DACH1: variants seen among roughly 807,000 people sequenced by gnomAD.
DACH1 encodes the protein dachshund homolog 1.
In DACH1, 12 loss-of-function variants were observed where a neutral mutation model predicts 54.2. That is an observed-to-expected ratio of 0.22 (90% CI 0.14 to 0.36). The LOEUF (loss-of-function observed/expected upper bound fraction) is 0.36. Ranked by LOEUF, DACH1 falls within the 10% of genes least tolerant of loss-of-function variation. The pLI, the probability that DACH1 is intolerant of heterozygous loss-of-function variation, is 1.00. For missense variants in DACH1, 805 were observed against 929.8 expected (o/e 0.87, Z 1.75); for synonymous variants, 386 against 366.2 (o/e 1.05, Z -0.62).
At chr13:71,796,511 T>A (rs1017419120) in intron 1 of DACH1, among the ~76,000 whole-genome samples, 1 of 152,142 alleles carries the variant, frequency 6.6e-6, no homozygotes, top group Non-Finnish European at 1.5e-5. Context: ...CATAATGTTT[T>A]GGTTTAATGA....
intron 1 of DACH1, among the ~76,000 whole-genome samples, chr13:71,746,210 C>G (rs1884597924): frequency 6.6e-6 from 1 of 151,834 alleles, no homozygotes; most frequent in South Asian, 2.1e-4. Flanking sequence ...GAGCAAGACC[C>G]TGTTTCAAAT....
chr13:71,464,719 T>C (rs1235057712), intron 10 of DACH1: 1 of 454,880 alleles, frequency 2.2e-6, no homozygotes, highest in African/African-American at 2.0e-5. Context: ...ACTGTTTTGA[T>C]GTATAATCTT....
intron 2 of DACH1, among the ~76,000 whole-genome samples, chr13:71,657,013 TACAC>T (rs140643805): frequency 6.2e-5 from 9 of 144,192 alleles, no homozygotes; most frequent in African/African-American, 1.6e-4. Flanking sequence ...TATATATATA[TACAC>T]ACACACACAT....
rs1051896039 is a variant in DACH1 at position 71,866,444 on chromosome 13, G to C, written c.326C>G (p.Ala109Gly). ...GCCGCCGCTGCCGTTGCTCGCGGCCGCCAGGTTGGGGTTGCAGTTGCTGCC... is the reference window on the plus strand; with the variant it reads ...GCCGCCGCTGCCGTTGCTCGCGGCCCCCAGGTTGGGGTTGCAGTTGCTGCC... ...GGGSNCNPNL[A>G]AASNGSGGGG... The change falls in exon 1 of 11, where the codon GCG becomes GGG. Residue 109 changes from alanine (A) to glycine (G), a missense_variant. Around this residue, in one of 3 missense-constraint regions of DACH1, gnomAD observed 305 missense variants for 308.7 expected, o/e 0.99. Coordinates refer to ENST00000613252, the MANE Select transcript of DACH1 (RefSeq NM_080759.6). 1 of 1,404,358 alleles carries C rather than the reference G, an allele frequency of 7.1e-7. No homozygotes were observed. Among genetic ancestry groups the C allele is most frequent in the African/African-American group, 1.5e-5 (1 of 65,968 alleles). 87.0% of individuals were successfully genotyped at this position (1,404,358 alleles called of 1,614,324 possible). A position where few individuals can be genotyped will look rare whatever the true frequency, so the allele number is the denominator to read the frequency against.
chr13:71,748,896 T>TTCTC (rs10587621), intron 1 of DACH1, among the ~76,000 whole-genome samples: 5 of 64,944 alleles, frequency 7.7e-5, no homozygotes, highest in African/African-American at 3.6e-4. Flanking sequence ...CTTTCTTTCT[T>TTCTC]TCTCTTTCTT....
At chr13:71,749,591 A>C (rs1399347262) in intron 1 of DACH1, among the ~76,000 whole-genome samples, 1 of 152,138 alleles carries the variant, frequency 6.6e-6, no homozygotes, top group African/African-American at 2.4e-5. Context: ...TGACAAATTT[A>C]CCTTTTTCAG....
chr13:71,800,193 A>G (rs75826969), intron 1 of DACH1, among the ~76,000 whole-genome samples: 1,944 of 152,202 alleles, frequency 0.013, 34 homozygotes, highest in African/African-American at 0.043. Context: ...GCTCTCAAAC[A>G]CTGTGATTAT....
chr13:71,711,709 T>C (rs2138779620), intron 1 of DACH1, among the ~76,000 whole-genome samples: 1 of 152,226 alleles, frequency 6.6e-6, no homozygotes, highest in East Asian at 1.9e-4. Flanking sequence ...TTTAAAATTT[T>C]GTCATTTCAG....
intron 10 of DACH1, among the ~76,000 whole-genome samples, chr13:71,450,464 A>AC (rs1874936743): frequency 6.6e-6 from 1 of 152,062 alleles, no homozygotes; most frequent in African/African-American, 2.4e-5. Context: ...ACAACTGATT[A>AC]CCCCATCTCT....
At chr13:71,542,184 A>G (rs1014153303) in intron 6 of DACH1, among the ~76,000 whole-genome samples, 1 of 152,006 alleles carries the variant, frequency 6.6e-6, no homozygotes, top group Non-Finnish European at 1.5e-5. Context: ...CAGGAGGTGG[A>G]GGTTGCAGTG....
chr13:71,550,852 G>A (rs891751911), intron 6 of DACH1, among the ~76,000 whole-genome samples: 9 of 152,020 alleles, frequency 5.9e-5, no homozygotes, highest in African/African-American at 1.9e-4. Flanking sequence ...AAATTACATA[G>A]GTAGGTAATA....
intron 10 of DACH1, among the ~76,000 whole-genome samples, chr13:71,474,415 G>C (rs966488197): frequency 1.3e-5 from 2 of 152,092 alleles, no homozygotes; most frequent in Admixed American, 6.6e-5. Context: ...ATTTTAAATA[G>C]AAAACAAATG....
chr13:71,825,404 C>A (rs1051408396), intron 1 of DACH1, among the ~76,000 whole-genome samples: 2 of 152,048 alleles, frequency 1.3e-5, no homozygotes, highest in African/African-American at 4.8e-5. Flanking sequence ...TTACCAAGTT[C>A]AATTTTATAA....
intron 4 of DACH1, among the ~76,000 whole-genome samples, chr13:71,570,206 C>T (rs549149218): frequency 6.4e-4 from 97 of 152,308 alleles, no homozygotes; most frequent in African/African-American, 2.3e-3. Flanking sequence ...ATTCCTCACC[C>T]TTATTCTCTG....
At chr13:71,545,404 G>A (rs1195496588) in intron 6 of DACH1, among the ~76,000 whole-genome samples, 3 of 151,862 alleles carry the variant, frequency 2.0e-5, no homozygotes, top group Admixed American at 1.3e-4. Context: ...TCAATATATA[G>A]CAAATTGAAG....
At chr13:71,799,632 C>T (rs1244837050) in intron 1 of DACH1, among the ~76,000 whole-genome samples, 5 of 152,054 alleles carry the variant, frequency 3.3e-5, no homozygotes, top group East Asian at 1.9e-4. Flanking sequence ...TAGGTTCATT[C>T]GGCACCCTGA....
At chr13:71,580,257 C>G (rs1885775494) in intron 3 of DACH1, among the ~76,000 whole-genome samples, 1 of 152,222 alleles carries the variant, frequency 6.6e-6, no homozygotes, top group East Asian at 1.9e-4. Flanking sequence ...ATCTTTTAGC[C>G]TTTCTTATTG....
At chr13:71,785,536 A>G (rs1251569202) in intron 1 of DACH1, among the ~76,000 whole-genome samples, 3 of 152,194 alleles carry the variant, frequency 2.0e-5, no homozygotes, top group African/African-American at 7.2e-5. Flanking sequence ...TCTGTCTTAT[A>G]ATGTTAATGT....
At chr13:71,688,312 C>G (rs1307654869) in intron 1 of DACH1, among the ~76,000 whole-genome samples, 1 of 152,214 alleles carries the variant, frequency 6.6e-6, no homozygotes, top group Non-Finnish European at 1.5e-5. Flanking sequence ...TTTATCAATG[C>G]ATAGTTTTCC....
Sources: allele counts gnomAD v4.1 joint callset (sites outside exome capture counted in the v4.1 genomes callset), GRCh38; gene constraint gnomAD v4.1.1; regional missense constraint gnomAD v4.1.1; transcripts MANE v1.5; gene names NCBI Gene and HGNC (gene_info 2026-07-23, HGNC 2026-07-21).